GPC6: variants seen among roughly 807,000 people sequenced by gnomAD.
GPC6 encodes glypican-6.
GPC6 carries 14 observed loss-of-function variants against 55.2 expected under a neutral mutation model. That is an observed-to-expected ratio of 0.25 (90% confidence interval 0.17 to 0.40). The LOEUF (loss-of-function observed/expected upper bound fraction) is 0.40. Among genes scored for constraint, GPC6 ranks in the 10% least tolerant of loss-of-function variants. The pLI is 1.00. For missense variants in GPC6, 641 were observed against 708.5 expected (o/e 0.90, Z 1.08); for synonymous variants, 278 against 259.6 (o/e 1.07, Z -0.68).
chr13:93,726,858 GCCT>G (rs1314036335), intron 2 of GPC6, among the ~76,000 whole-genome samples: 1 of 152,078 alleles, frequency 6.6e-6, no homozygotes, highest in East Asian at 1.9e-4. Context: ...TGGGCTGATG[GCCT>G]CCTCATTAGC....
At chr13:93,832,319 G>T (rs1887551903) in intron 3 of GPC6, among the ~76,000 whole-genome samples, 1 of 150,982 alleles carries the variant, frequency 6.6e-6, no homozygotes, top group Non-Finnish European at 1.5e-5. Flanking sequence ...ATATTTTCTT[G>T]AGTAGATGCA....
At chr13:94,277,254 A>C (rs185920939) in intron 4 of GPC6, among the ~76,000 whole-genome samples, 8 of 145,308 alleles carry the variant, frequency 5.5e-5, no homozygotes, top group Non-Finnish European at 1.2e-4. Context: ...GTCTGTTCAT[A>C]TCCTTTGCCG....
chr13:94,200,025 G>A (rs1446358913), intron 4 of GPC6, among the ~76,000 whole-genome samples: 2 of 152,012 alleles, frequency 1.3e-5, no homozygotes, highest in African/African-American at 4.8e-5. Flanking sequence ...GTGTGGTGGT[G>A]CATGCCTGTA....
rs146584456 is a variant in GPC6, at chr13:94,309,550, A to C, written c.1152+3427A>C. 2.6e-5 allele frequency among the ~76,000 whole-genome samples: 4 copies of C among 152,324 alleles called. No individual in the cohort carries two copies. The East Asian group carries it at 7.7e-4, about 29-fold the overall frequency. On this transcript the variant is annotated intron_variant, in intron 6 of 8. Coordinates refer to ENST00000377047, the MANE Select transcript of GPC6 (RefSeq NM_005708.5). ...ATAAGGAACTTATAAATTCTTTTGT[A>C]TCTCTAGGGAACATTTCCATTTGCT...
At chr13:93,494,775 A>T (rs1489116240) in intron 1 of GPC6, among the ~76,000 whole-genome samples, 18 of 149,420 alleles carry the variant, frequency 1.2e-4, no homozygotes, top group Non-Finnish European at 1.9e-4. Context: ...TTTCTCCTTC[A>T]CTTATGAAGC....
In GPC6 at chr13:94,211,507, A is replaced by T. The variant is rs772038938; in HGVS notation, c.878-74842A>T. The stretch of plus-strand genomic sequence containing the variant: ...AATAAAAAATAAGTTTATTTAAGGT[A>T]TATATTTACATTTGGAGTGAGAGGA... On this transcript the variant is annotated intron_variant, in intron 4 of 8. Transcript: ENST00000377047. 8.3e-4 allele frequency among the ~76,000 whole-genome samples: 127 copies of T among 152,332 alleles called. 1 individual carries two copies. The Middle Eastern group carries it at 0.017, about 20-fold the overall frequency.
intron 2 of GPC6, among the ~76,000 whole-genome samples, chr13:93,667,608 T>C (rs1307643815): frequency 6.6e-6 from 1 of 152,070 alleles, no homozygotes; most frequent in Non-Finnish European, 1.5e-5. Context: ...AATTTTTGTA[T>C]GTTTAGTAGA....
At chr13:93,393,127 T>TATATATATATATATATAG (rs1230857277) in intron 1 of GPC6, among the ~76,000 whole-genome samples, 3 of 87,624 alleles carry the variant, frequency 3.4e-5, no homozygotes, top group African/African-American at 7.9e-5. Flanking sequence ...TATATATATA[T>TATATATATATATATATAG]AGAGAGAGAG....
At chr13:93,831,199 C>A (rs1213992291) in intron 3 of GPC6, among the ~76,000 whole-genome samples, 1 of 152,138 alleles carries the variant, frequency 6.6e-6, no homozygotes, top group Non-Finnish European at 1.5e-5. Context: ...TAAGATCAAT[C>A]ATTAATCTAC....
chr13:94,264,936 G>C (rs1394109453), intron 4 of GPC6, among the ~76,000 whole-genome samples: 1 of 152,164 alleles, frequency 6.6e-6, no homozygotes, highest in Non-Finnish European at 1.5e-5. Flanking sequence ...AAAGCCATCA[G>C]ATCTCGTGAG....
intron 4 of GPC6, among the ~76,000 whole-genome samples, chr13:94,133,425 A>T (rs1887074993): frequency 6.6e-6 from 1 of 152,178 alleles, no homozygotes; most frequent in Non-Finnish European, 1.5e-5. Context: ...CTTAAAAAAT[A>T]AAAAATCAAA....
intron 1 of GPC6, among the ~76,000 whole-genome samples, chr13:93,525,501 C>T (rs1187465708): frequency 1.3e-5 from 2 of 152,098 alleles, no homozygotes; most frequent in Non-Finnish European, 2.9e-5. Flanking sequence ...CAGGTTCACT[C>T]ACCTCTGACT....
chr13:93,947,534 G>T (rs749996848), intron 3 of GPC6, among the ~76,000 whole-genome samples: 1 of 152,154 alleles, frequency 6.6e-6, no homozygotes, highest in Admixed American at 6.5e-5. Context: ...AACATGAACA[G>T]CAATATGTTG....
At chr13:93,320,744 A>G (rs1360743312) in intron 1 of GPC6, among the ~76,000 whole-genome samples, 1 of 152,126 alleles carries the variant, frequency 6.6e-6, no homozygotes, top group Non-Finnish European at 1.5e-5. Flanking sequence ...TAAATTGATT[A>G]GCAGTTTATT....
At chr13:93,731,890 A>T (rs558690487) in intron 2 of GPC6, among the ~76,000 whole-genome samples, 3 of 152,282 alleles carry the variant, frequency 2.0e-5, no homozygotes, top group Non-Finnish European at 4.4e-5. Context: ...AAATGACAGT[A>T]TATATATGTA....
chr13:93,858,342 G>C (rs1265498370), intron 3 of GPC6, among the ~76,000 whole-genome samples: 1 of 151,578 alleles, frequency 6.6e-6, no homozygotes, highest in Admixed American at 6.6e-5. Flanking sequence ...ATGGTTATAT[G>C]TGGGGTCTAT....
intron 4 of GPC6, among the ~76,000 whole-genome samples, chr13:94,200,203 A>G (rs1274123967): frequency 6.6e-6 from 1 of 151,922 alleles, no homozygotes; most frequent in African/African-American, 2.4e-5. Flanking sequence ...TACTTTGAAC[A>G]TTCTTCAGGA....
intron 1 of GPC6, among the ~76,000 whole-genome samples, chr13:93,261,437 C>T (rs1048082880): frequency 4.6e-5 from 7 of 152,160 alleles, no homozygotes; most frequent in Admixed American, 3.9e-4. Flanking sequence ...TCAGGAATAG[C>T]ACATTTTCCT....
rs533729075 is a variant in GPC6, at chr13:93,716,679, T to C, written c.320-113475T>C. ...ACAATAAACTAAGGTTAATTTATTA[T>C]TGATGAAAGAAAGTTTATAAGTCTT... On this transcript the variant is annotated intron_variant, in intron 2 of 8. Transcript: ENST00000377047. Among the ~76,000 whole-genome samples, 4 of 151,708 alleles carry C rather than the reference T, an allele frequency of 2.6e-5. No homozygotes were observed. The South Asian group carries it at 8.3e-4, about 31-fold the overall frequency.
Sources: gnomAD v4.1 joint callset for allele counts (sites outside exome capture counted in the v4.1 genomes callset) on GRCh38, gnomAD v4.1.1 for gene constraint, MANE v1.5 for transcripts, NCBI Gene and HGNC (gene_info 2026-07-23, HGNC 2026-07-21) for gene names.